LCORL: variants seen among roughly 807,000 people sequenced by gnomAD.
LCORL encodes the protein ligand dependent nuclear receptor corepressor like, also known as ligand-dependent nuclear receptor corepressor-like protein.
In LCORL, 41 loss-of-function variants were observed where a neutral mutation model predicts 141.8. That is an observed-to-expected ratio of 0.29 (90% CI 0.23 to 0.38). The LOEUF (loss-of-function observed/expected upper bound fraction) is 0.38. LCORL is among the 10% of genes least tolerant of loss of function. The pLI is 1.00. For missense variants in LCORL, 1,759 were observed against 2,035.0 expected, an observed-to-expected ratio of 0.86 and a Z score of 2.61; for synonymous variants, 618 against 694.1, an observed-to-expected ratio of 0.89 and a Z score of 1.72.
chr4:17,932,950 C>T (rs1236058449), intron 4 of LCORL, among the ~76,000 whole-genome samples: 1 of 152,160 alleles, frequency 6.6e-6, no homozygotes, highest in African/African-American at 2.4e-5. Context: ...TGAAATAGAA[C>T]TTGACTGAAC....
At position 18,021,684 on chromosome 4, in the gene LCORL, T is replaced by C. The variant is rs1291029096; in HGVS notation, c.68A>G (p.Gln23Arg). ...CGCCGCGCACCGAGGGCTCCGGCACTGAGCGGCGGCGGCGGCGGCGGCAGC... is the reference window on the plus strand; with the variant it reads ...CGCCGCGCACCGAGGGCTCCGGCACCGAGCGGCGGCGGCGGCGGCGGCAGC... The change falls in exon 1 of 8, where the codon CAG (glutamine) becomes CGG (arginine). Residue 23 changes from glutamine (Q) to arginine (R), a missense_variant. By Grantham distance (43) the Gln-to-Arg change is conservative (BLOSUM62 1). Around this residue, in one of 5 missense-constraint regions of LCORL, gnomAD observed 86 missense variants for 61.8 expected, o/e 1.39. Coordinates refer to ENST00000635767, the Ensembl canonical transcript of LCORL. This position sits in a 1 kb window ranked among gnomAD's most constrained non-coding sequence, Gnocchi z 5.5. 1.3e-6 allele frequency: 2 copies of C among 1,534,436 alleles called. No individual in the cohort carries two copies. Among genetic ancestry groups the C allele is most frequent in the African/African-American group, 2.8e-5 (2 of 71,244 alleles).
exon 8 of LCORL, chr4:17,844,229 A>AATTTC (rs1192243349): frequency 6.6e-6 from 1 of 152,384 alleles, no homozygotes; most frequent in Non-Finnish European, 1.5e-5. Context: ...ATTCACTGTC[A>AATTTC]ATTTCATTTC....
chr4:17,983,446 A>G (rs34841579), intron 1 of LCORL, among the ~76,000 whole-genome samples: 1 of 152,124 alleles, frequency 6.6e-6, no homozygotes, highest in Non-Finnish European at 1.5e-5. Flanking sequence ...TTATCTGAGC[A>G]GTGTTTTGTA....
rs1237080686 is a variant in LCORL at position 18,021,401 on chromosome 4, G to C, written c.154+197C>G. 6.6e-6 allele frequency among the ~76,000 whole-genome samples: 1 copy of C among 152,146 alleles called. No homozygotes were observed. Among genetic ancestry groups the C allele is most frequent in the Non-Finnish European group, 1.5e-5 (1 of 68,000 alleles). On this transcript the variant is annotated intron_variant, in intron 1 of 7. Coordinates refer to ENST00000635767, the Ensembl canonical transcript of LCORL. This position sits in a 1 kb window ranked among gnomAD's most constrained non-coding sequence, Gnocchi z 5.5. ...GCCCAAGAGCTGGGAAGGCGAAGGA[G>C]CGCGGACCGCGCCGGGCCAGCAGCC... is the stretch of plus-strand genomic sequence containing the variant.
intron 4 of LCORL, among the ~76,000 whole-genome samples, chr4:17,947,970 A>G (rs937859977): frequency 6.6e-6 from 1 of 151,996 alleles, no homozygotes; most frequent in African/African-American, 2.4e-5. Context: ...TCCTTGAAAG[A>G]TGATTTAGAG....
chr4:17,883,416 A>G, intron 6 of LCORL: 1 of 1,108,864 alleles, frequency 9.0e-7, no homozygotes, highest in African/African-American at 1.6e-5. Flanking sequence ...ACAACGCTTT[A>G]TGCTATTGAC....
At chr4:17,996,832 T>C (rs1720996132) in intron 1 of LCORL, among the ~76,000 whole-genome samples, 1 of 152,136 alleles carries the variant, frequency 6.6e-6, no homozygotes, top group Non-Finnish European at 1.5e-5. Context: ...ATCAGAATCA[T>C]TGTTCTAACC....
At chr4:17,946,270 C>A (rs921185730) in intron 4 of LCORL, among the ~76,000 whole-genome samples, 1 of 151,882 alleles carries the variant, frequency 6.6e-6, no homozygotes, top group Non-Finnish European at 1.5e-5. Context: ...ATTTCCTTGG[C>A]CTTTTAGCAA....
chr4:17,882,708 C>T, intron 6 of LCORL: 1 of 984,522 alleles, frequency 1.0e-6, no homozygotes, highest in South Asian at 4.7e-5. Context: ...TGAAATGTCA[C>T]AGCAGCAAAT....
Position 17,987,742 on chromosome 4 carries a change from T to C in LCORL, c.155-14857A>G, listed in dbSNP as rs377070168. Among the ~76,000 whole-genome samples, 33 of 152,366 alleles carry C rather than the reference T, an allele frequency of 2.2e-4. No individual in the cohort carries two copies. In the East Asian group the frequency reaches 2.9e-3, roughly 13 times the overall value. On this transcript the variant is annotated intron_variant, in intron 1 of 7. Transcript: ENST00000635767. ...CTCATTTCCCTAGTGACTAATGATG[T>C]TGAACATTTTTTCATGTGTTCATTG...
intron 2 of LCORL, among the ~76,000 whole-genome samples, chr4:17,968,039 G>A (rs544451816): frequency 1.3e-5 from 2 of 152,024 alleles, no homozygotes; most frequent in African/African-American, 4.8e-5. Context: ...TGTATTTTTA[G>A]TAGAGATGGG....
chr4:17,930,932 A>G (rs6854757), intron 4 of LCORL, among the ~76,000 whole-genome samples: 37,647 of 152,100 alleles, frequency 0.25, 5,790 homozygotes, highest in African/African-American at 0.43. Flanking sequence ...AAGTTTTGGT[A>G]AAACATTCCT....
At chr4:17,907,265 G>A (rs1163846833) in intron 5 of LCORL, among the ~76,000 whole-genome samples, 2 of 152,176 alleles carry the variant, frequency 1.3e-5, no homozygotes, top group Non-Finnish European at 2.9e-5. Context: ...GAGGAACGGG[G>A]GGTAGACAGT....
chr4:17,940,100 G>A (rs905552239), intron 4 of LCORL, among the ~76,000 whole-genome samples: 20 of 144,498 alleles, frequency 1.4e-4, no homozygotes, highest in Non-Finnish European at 2.9e-4. Flanking sequence ...ACATATATAG[G>A]TAGATATATG....
chr4:18,011,425 AT>A lies in LCORL; in HGVS notation c.154+10172del, dbSNP rs147519422. On this transcript the variant is annotated intron_variant, in intron 1 of 7. Coordinates refer to ENST00000635767, the Ensembl canonical transcript of LCORL. ...ACTTATCTGATCATGCTTATTACCC[AT>A]TTTAAAAAAAAAAAAAAAACAACTT... 2.1e-3 allele frequency among the ~76,000 whole-genome samples: 315 copies of A among 150,328 alleles called. 1 individual carries two copies. Among genetic ancestry groups the A allele is most frequent in the African/African-American group, 7.5e-3 (307 of 40,882 alleles).
chr4:17,843,702 G>T (rs955743189), exon 8 of LCORL: 4 of 229,428 alleles, frequency 1.7e-5, no homozygotes, highest in Admixed American at 5.1e-5. Context: ...TGATTCTTAT[G>T]AACTCTTTAT....
At chr4:17,873,464 T>C in exon 7 of LCORL, 1 of 1,233,702 alleles carries the variant, frequency 8.1e-7, no homozygotes, top group Non-Finnish European at 1.0e-6. Context: ...TTGACATTTC[T>C]GTGATCTTCC....
intron 1 of LCORL, among the ~76,000 whole-genome samples, chr4:17,998,643 CT>C (rs1325846925): frequency 1.3e-5 from 2 of 151,618 alleles, no homozygotes; most frequent in Non-Finnish European, 2.9e-5. Flanking sequence ...TCCTGAAGGA[CT>C]TTTTTTTCTA....
At chr4:17,899,755 T>C (rs1284323552) in intron 5 of LCORL, among the ~76,000 whole-genome samples, 2 of 152,140 alleles carry the variant, frequency 1.3e-5, no homozygotes, top group African/African-American at 4.8e-5. Context: ...AAAACAAGAA[T>C]TGACACTTGG....
Sources: gnomAD v4.1 joint callset for allele counts (sites outside exome capture counted in the v4.1 genomes callset) on GRCh38, gnomAD v4.1.1 for gene constraint, gnomAD v4.1.1 regional missense constraint, Gnocchi (gnomAD v3.1) non-coding constraint, MANE v1.5 for transcripts, NCBI Gene and HGNC (gene_info 2026-07-23, HGNC 2026-07-21) for gene names.